The following ROBO1 variants were observed in gnomAD, a reference collection of about 807,000 sequenced individuals.
ROBO1 encodes the protein roundabout guidance receptor 1.
In ROBO1, 149 loss-of-function variants were observed where a neutral mutation model predicts 195.9. The observed-to-expected ratio is 0.76, with a 90% CI of 0.67 to 0.87. ROBO1 has a LOEUF of 0.87. Ranked by LOEUF, ROBO1 falls within the 40% of genes least tolerant of loss-of-function variation. The probability of loss-of-function intolerance (pLI) is 0.00; values close to 1 mark genes in which losing one functional copy is unlikely to be tolerated. For missense variants in ROBO1, 1,933 were observed against 2,068.3 expected, an observed-to-expected ratio of 0.93 and a Z score of 1.27; for synonymous variants, 816 against 733.2, an observed-to-expected ratio of 1.11 and a Z score of -1.82.
chr3:78,622,180 C>T lies in ROBO1; in HGVS notation c.3876-4139G>A, dbSNP rs558339616. Among the ~76,000 whole-genome samples, 314 of 152,016 alleles carry T rather than the reference C, an allele frequency of 2.1e-3. 5 individuals are homozygous for T. The highest frequency in any genetic ancestry group is 7.2e-3 in the African/African-American group (299 of 41,496). On this transcript the variant is annotated intron_variant, in intron 26 of 30. Coordinates refer to ENST00000464233, the MANE Select transcript of ROBO1 (RefSeq NM_002941.4). ...CCTATTATGTTGATCACCTAGTTTA[C>T]CCAGTTTTAGACAAAAATGGAATAC...
intron 1 of ROBO1, among the ~76,000 whole-genome samples, chr3:79,698,874 G>T (rs958372673): frequency 6.6e-6 from 1 of 151,490 alleles, no homozygotes; most frequent in Non-Finnish European, 1.5e-5. Flanking sequence ...CCACTGAGGA[G>T]ATGTTGAAAG....
intron 2 of ROBO1, among the ~76,000 whole-genome samples, chr3:79,346,983 C>T (rs965704386): frequency 6.6e-6 from 1 of 151,734 alleles, no homozygotes; most frequent in Non-Finnish European, 1.5e-5. Flanking sequence ...TTAATGATAA[C>T]CTTTTTGGAG....
At chr3:78,931,245 T>C (rs868843316) in intron 4 of ROBO1, among the ~76,000 whole-genome samples, 4,057 of 140,854 alleles carry the variant, frequency 0.029, 167 homozygotes, top group African/African-American at 0.1. Context: ...TCTTTTTTTT[T>C]TTTTTTTTTT....
At chr3:79,074,067 C>T (rs1269491983) in intron 3 of ROBO1, among the ~76,000 whole-genome samples, 1 of 151,686 alleles carries the variant, frequency 6.6e-6, no homozygotes, top group Non-Finnish European at 1.5e-5. Flanking sequence ...TCTCATTGTT[C>T]TTTAATTGAT....
intron 1 of ROBO1, among the ~76,000 whole-genome samples, chr3:79,762,843 A>C (rs1252156965): frequency 6.6e-6 from 1 of 152,154 alleles, no homozygotes; most frequent in African/African-American, 2.4e-5. Context: ...GATCCCAGGA[A>C]GTGGAAGTAA....
At chr3:78,675,196 C>A (rs1472322669) in intron 10 of ROBO1, among the ~76,000 whole-genome samples, 1 of 150,950 alleles carries the variant, frequency 6.6e-6, no homozygotes, top group African/African-American at 2.4e-5. Context: ...GCCAAGATGG[C>A]CGAATAGGAA....
intron 2 of ROBO1, among the ~76,000 whole-genome samples, chr3:79,209,607 T>C (rs898601219): frequency 1.3e-5 from 2 of 152,192 alleles, no homozygotes; most frequent in African/African-American, 4.8e-5. Flanking sequence ...TGTACTAGTT[T>C]ACATTCTCAT....
intron 2 of ROBO1, among the ~76,000 whole-genome samples, chr3:79,213,475 G>T (rs1437793200): frequency 6.6e-6 from 1 of 152,100 alleles, no homozygotes; most frequent in Non-Finnish European, 1.5e-5. Context: ...CCTAATGACT[G>T]ATGTTGTTGT....
intron 1 of ROBO1, among the ~76,000 whole-genome samples, chr3:79,616,414 G>A (rs531934728): frequency 1.3e-5 from 2 of 152,246 alleles, no homozygotes; most frequent in South Asian, 4.2e-4. Flanking sequence ...ACAACCATAG[G>A]AGATGGTTGC....
At chr3:78,976,097 C>T (rs2076879206) in intron 3 of ROBO1, among the ~76,000 whole-genome samples, 1 of 152,114 alleles carries the variant, frequency 6.6e-6, no homozygotes, top group Admixed American at 6.5e-5. Flanking sequence ...GCTATGGCAT[C>T]GAATAAGTGC....
At chr3:79,064,156 T>A (rs1227434429) in intron 3 of ROBO1, among the ~76,000 whole-genome samples, 1 of 151,980 alleles carries the variant, frequency 6.6e-6, no homozygotes, top group African/African-American at 2.4e-5. Context: ...TCTGATTTGA[T>A]CATTCTACAG....
chr3:79,719,959 G>C (rs1466750909), intron 1 of ROBO1, among the ~76,000 whole-genome samples: 1 of 152,156 alleles, frequency 6.6e-6, no homozygotes, highest in Non-Finnish European at 1.5e-5. Flanking sequence ...GTAAAGACTA[G>C]AGACTTTTCT....
At chr3:79,293,566 C>T (rs1035590984) in intron 2 of ROBO1, among the ~76,000 whole-genome samples, 6 of 152,096 alleles carry the variant, frequency 3.9e-5, no homozygotes, top group Non-Finnish European at 5.9e-5. Flanking sequence ...CCCAGAGATT[C>T]TGGTACATTG....
chr3:79,050,143 G>T (rs1427576024), intron 3 of ROBO1, among the ~76,000 whole-genome samples: 1 of 152,108 alleles, frequency 6.6e-6, no homozygotes, highest in African/African-American at 2.4e-5. Flanking sequence ...CTATATTCAG[G>T]AGACCCATCT....
intron 1 of ROBO1, among the ~76,000 whole-genome samples, chr3:79,747,165 A>T (rs1487437758): frequency 6.6e-6 from 1 of 152,060 alleles, no homozygotes; most frequent in East Asian, 1.9e-4. Context: ...CTAGGTTTCA[A>T]CGGCTGATTA....
chr3:79,143,897 T>C (rs2080587777), intron 2 of ROBO1, among the ~76,000 whole-genome samples: 1 of 151,994 alleles, frequency 6.6e-6, no homozygotes, highest in Admixed American at 6.6e-5. Flanking sequence ...TAATCTATTA[T>C]CCATATCCAC....
intron 2 of ROBO1, among the ~76,000 whole-genome samples, chr3:79,466,448 C>A (rs1042512419): frequency 6.6e-6 from 1 of 152,048 alleles, no homozygotes; most frequent in Non-Finnish European, 1.5e-5. Flanking sequence ...ACAAAGAGAT[C>A]GATACAGCTC....
At chr3:79,003,568 T>G (rs1238468638) in intron 3 of ROBO1, among the ~76,000 whole-genome samples, 1 of 152,092 alleles carries the variant, frequency 6.6e-6, no homozygotes, top group Non-Finnish European at 1.5e-5. Flanking sequence ...TAGATACTCA[T>G]ATTATCTCAA....
intron 1 of ROBO1, among the ~76,000 whole-genome samples, chr3:79,629,580 G>A (rs922983245): frequency 3.3e-5 from 5 of 151,568 alleles, no homozygotes; most frequent in Admixed American, 1.3e-4. Flanking sequence ...ACAACCCAAG[G>A]TACTAGATAA....
Sources: gnomAD v4.1 joint callset for allele counts (sites outside exome capture counted in the v4.1 genomes callset) on GRCh38, gnomAD v4.1.1 for gene constraint, MANE v1.5 for transcripts, NCBI Gene and HGNC (gene_info 2026-07-23, HGNC 2026-07-21) for gene names.